SPATA13: variants seen among roughly 807,000 people sequenced by gnomAD.
SPATA13 encodes spermatogenesis associated 13, also known as spermatogenesis-associated protein 13.
A neutral mutation model predicts 104.0 loss-of-function variants in SPATA13; 50 were observed. That is an observed-to-expected ratio of 0.48 (90% CI 0.38 to 0.61). The LOEUF is 0.61. Ranked by LOEUF, SPATA13 falls within the 20% of genes least tolerant of loss-of-function variation. The probability of loss-of-function intolerance (pLI) is 0.00; values close to 1 mark genes in which losing one functional copy is unlikely to be tolerated. For synonymous variants in SPATA13, 606 were observed against 667.5 expected (o/e 0.91, Z 1.42); for missense variants, 1,524 against 1,690.6 (o/e 0.90, Z 1.73).
At chr13:24,099,757 G>T (rs369886732) in intron 3 of SPATA13, among the ~76,000 whole-genome samples, 1 of 152,236 alleles carries the variant, frequency 6.6e-6, no homozygotes, top group East Asian at 1.9e-4. Flanking sequence ...TTCAGGGAAT[G>T]TGCAGATCAC....
At chr13:24,027,539 A>G (rs190184067) in intron 3 of SPATA13, among the ~76,000 whole-genome samples, 10 of 152,164 alleles carry the variant, frequency 6.6e-5, no homozygotes, top group Non-Finnish European at 1.5e-4. Context: ...CTTGATCTCT[A>G]ATTTCACTGA....
chr13:24,206,673 C>T (rs1870712940), intron 1 of SPATA13, among the ~76,000 whole-genome samples: 2 of 152,124 alleles, frequency 1.3e-5, no homozygotes, highest in African/African-American at 2.4e-5. Context: ...GGGTGGATCA[C>T]CTGAGGTCAG....
intron 2 of SPATA13, among the ~76,000 whole-genome samples, chr13:24,229,782 G>T (rs917730241): frequency 3.3e-5 from 5 of 152,186 alleles, no homozygotes; most frequent in African/African-American, 1.2e-4. Flanking sequence ...AACCAAATTT[G>T]TTGAACACAT....
chr13:24,192,866 G>A (rs1158908755), intron 1 of SPATA13, among the ~76,000 whole-genome samples: 1 of 152,180 alleles, frequency 6.6e-6, no homozygotes, highest in Middle Eastern at 3.2e-3. Flanking sequence ...TAGGCAACAG[G>A]AGGCACTTCC....
intron 2 of SPATA13, among the ~76,000 whole-genome samples, chr13:23,987,023 G>GTT (rs1250485901): frequency 2.6e-5 from 4 of 151,716 alleles, no homozygotes; most frequent in Non-Finnish European, 5.9e-5. Context: ...GTGTGTGTGT[G>GTT]TGTGTGTGTG....
chr13:24,020,970 G>A (rs896813720), intron 3 of SPATA13, among the ~76,000 whole-genome samples: 1 of 152,192 alleles, frequency 6.6e-6, no homozygotes, highest in Non-Finnish European at 1.5e-5. Context: ...GAACCCAGGA[G>A]GCGGTGGTTG....
intron 1 of SPATA13, among the ~76,000 whole-genome samples, chr13:24,208,213 C>T (rs1478915365): frequency 1.3e-5 from 2 of 152,162 alleles, no homozygotes; most frequent in Non-Finnish European, 2.9e-5. Context: ...ACCTGGTGGC[C>T]TCCCAGAATA....
intron 2 of SPATA13, among the ~76,000 whole-genome samples, chr13:24,242,865 G>C (rs1430726938): frequency 3.3e-5 from 5 of 152,204 alleles, no homozygotes; most frequent in Non-Finnish European, 7.3e-5. Flanking sequence ...TCCTAGGACA[G>C]ATAGTTGTAA....
At chr13:24,108,798 G>C (rs1306749127) in intron 3 of SPATA13, among the ~76,000 whole-genome samples, 1 of 152,002 alleles carries the variant, frequency 6.6e-6, no homozygotes, top group Non-Finnish European at 1.5e-5. Flanking sequence ...AAAGATTGGC[G>C]CCCACGTTCC....
chr13:24,202,399 G>A (rs973059302), intron 1 of SPATA13, among the ~76,000 whole-genome samples: 1 of 152,082 alleles, frequency 6.6e-6, no homozygotes, highest in East Asian at 1.9e-4. Context: ...GTAAAGGACA[G>A]TTGATTCTGC....
chr13:24,284,870 A>G (rs1034934905), intron 5 of SPATA13, among the ~76,000 whole-genome samples: 3 of 152,162 alleles, frequency 2.0e-5, no homozygotes, highest in Non-Finnish European at 4.4e-5. Context: ...AGAAGCGGAC[A>G]TTATGGTTAT....
chr13:24,064,645 G>C (rs1244989189), intron 3 of SPATA13, among the ~76,000 whole-genome samples: 1 of 152,114 alleles, frequency 6.6e-6, no homozygotes, highest in Admixed American at 6.5e-5. Context: ...TTTGACCTTG[G>C]ATTTGCCAGC....
In SPATA13 at chr13:24,289,007, C is replaced by T. The variant is rs1244495903; in HGVS notation, c.2676C>T (p.Ile892=). The change falls in exon 8 of 13, where the codon ATC becomes ATT. Residue 892 remains isoleucine, a synonymous_variant. Coordinates refer to ENST00000382108, the MANE Select transcript of SPATA13 (RefSeq NM_001166271.3). ...KHLRDICEGY[I]RQCRKHTGMF... is the part of the protein sequence containing the mutation. ...ACTTCTGTATTTTGCAGGGCTATAT[C>T]CGACAGTGCCGCAAGCACACAGGAA... The T allele has an allele frequency of 3.7e-6, 6 of 1,606,512 alleles. No homozygotes were observed. In the African/African-American group the frequency reaches 5.4e-5, roughly 14 times the overall value.
At chr13:24,084,798 G>A (rs1400246198) in intron 3 of SPATA13, among the ~76,000 whole-genome samples, 2 of 152,136 alleles carry the variant, frequency 1.3e-5, no homozygotes, top group African/African-American at 2.4e-5. Flanking sequence ...GAGGCAGCAG[G>A]ATCGCTTGAG....
At chr13:24,175,815 C>T (rs1430147049) in intron 1 of SPATA13, among the ~76,000 whole-genome samples, 1 of 152,118 alleles carries the variant, frequency 6.6e-6, no homozygotes, top group Non-Finnish European at 1.5e-5. Context: ...TTTCTTCTCC[C>T]ACAGGAGAGA....
In SPATA13 at chr13:24,224,048, C is replaced by T. The variant is rs1424390155; in HGVS notation, c.1119C>T (p.Ser373=). The change falls in exon 2 of 13, where the codon AGC becomes AGT. Residue 373 remains serine, a synonymous_variant. Transcript: ENST00000382108. ...TCTCCAGGAGCACTGAGCAGGACAG[C>T]AGGCGGGGCGGGGCGGTCATGCATG... ...RRVSRSTEQD[S]RRGGAVMHGT... 3.2e-6 allele frequency: 5 copies of T among 1,549,258 alleles called. No individual in the cohort carries two copies. Among genetic ancestry groups the T allele is most frequent in the African/African-American group, 1.4e-5 (1 of 73,138 alleles).
intron 3 of SPATA13, among the ~76,000 whole-genome samples, chr13:24,134,215 G>A (rs1881481725): frequency 6.6e-6 from 1 of 152,194 alleles, no homozygotes; most frequent in Non-Finnish European, 1.5e-5. Flanking sequence ...GGACTTCGCT[G>A]CCTTTATGCA....
At position 24,293,533 on chromosome 13, in the gene SPATA13, G is replaced by T. The variant is rs189614497; in HGVS notation, c.3081-1206G>T. Among the ~76,000 whole-genome samples, 21 of 152,098 alleles carry T rather than the reference G, an allele frequency of 1.4e-4. No homozygotes were observed. The East Asian group carries it at 3.1e-3, about 22-fold the overall frequency. Reference sequence around the variant, plus strand: ...TCACCAAGAGCATTTGCAGATTTTGGTTTTTTCAAAATAAAAATTAGTTGA... The same window carrying T: ...TCACCAAGAGCATTTGCAGATTTTGTTTTTTTCAAAATAAAAATTAGTTGA... On this transcript the variant is annotated intron_variant, in intron 9 of 12. Coordinates refer to ENST00000382108, the MANE Select transcript of SPATA13 (RefSeq NM_001166271.3).
intron 9 of SPATA13, among the ~76,000 whole-genome samples, chr13:24,293,987 A>G (rs959452893): frequency 2.0e-5 from 3 of 152,154 alleles, no homozygotes; most frequent in Non-Finnish European, 2.9e-5. Context: ...CATTAGCTGG[A>G]TGGTTGGTCT....
Sources: allele counts gnomAD v4.1 joint callset (sites outside exome capture counted in the v4.1 genomes callset), GRCh38; gene constraint gnomAD v4.1.1; transcripts MANE v1.5; gene names NCBI Gene and HGNC (gene_info 2026-07-23, HGNC 2026-07-21).